Variants in ACER3 observed in about 807,000 individuals in gnomAD.
ACER3 encodes alkCDase 3.
Under a neutral mutation model 48.9 loss-of-function variants are expected in ACER3, and 16 were observed. The observed-to-expected ratio is 0.33, with a 90% CI of 0.22 to 0.50. The LOEUF is 0.50. Ranked by LOEUF, ACER3 falls within the 20% of genes least tolerant of loss-of-function variation. The pLI, the probability that ACER3 is intolerant of heterozygous loss-of-function variation, is 0.98. For missense variants in ACER3, 227 were observed against 326.0 expected (o/e 0.70, Z 2.34); for synonymous variants, 109 against 107.8 (o/e 1.01, Z -0.07).
rs576170198 is a variant in ACER3 at position 76,993,675 on chromosome 11, G to A, written c.438+3101G>A. ...CCCAACCTTTTTGGCACCAGAGACCGGTTTTGTGGAAGACAATTTTTCCAT... is the reference window on the plus strand; with the variant it reads ...CCCAACCTTTTTGGCACCAGAGACCAGTTTTGTGGAAGACAATTTTTCCAT... On this transcript the variant is annotated intron_variant, in intron 6 of 10. Transcript: ENST00000532485. Among the ~76,000 whole-genome samples, 13 of 152,296 alleles carry A rather than the reference G, an allele frequency of 8.5e-5. No individual in the cohort carries two copies. The East Asian group carries it at 2.3e-3, about 27-fold the overall frequency.
chr11:76,872,551 A>G (rs780430891), intron 1 of ACER3, among the ~76,000 whole-genome samples: 2 of 152,208 alleles, frequency 1.3e-5, no homozygotes, highest in African/African-American at 2.4e-5. Context: ...TCTGCCTAAG[A>G]TTACATTGAA....
At chr11:76,885,738 T>A (rs1009354165) in intron 1 of ACER3, among the ~76,000 whole-genome samples, 3 of 152,066 alleles carry the variant, frequency 2.0e-5, no homozygotes, top group Non-Finnish European at 4.4e-5. Context: ...TAGCCTAGCA[T>A]GTAAGAGTCT....
chr11:76,954,539 C>CA (rs1565197350), intron 2 of ACER3, among the ~76,000 whole-genome samples: 2 of 151,800 alleles, frequency 1.3e-5, no homozygotes, highest in African/African-American at 4.8e-5. Flanking sequence ...CATTGATTCT[C>CA]ATAGCTCTAT....
intron 2 of ACER3, among the ~76,000 whole-genome samples, chr11:76,931,027 T>C (rs1184372412): frequency 1.4e-5 from 2 of 144,638 alleles, no homozygotes; most frequent in Non-Finnish European, 3.0e-5. Context: ...CCTTGTTAAC[T>C]TTCTGTCTCG....
chr11:76,900,905 A>G (rs868530433), intron 1 of ACER3, among the ~76,000 whole-genome samples: 34 of 152,304 alleles, frequency 2.2e-4, no homozygotes, highest in African/African-American at 8.2e-4. Flanking sequence ...AATCTGTTTC[A>G]TGATTTCCTT....
At chr11:76,917,076 G>A (rs1946552898) in intron 1 of ACER3, among the ~76,000 whole-genome samples, 1 of 152,080 alleles carries the variant, frequency 6.6e-6, no homozygotes, top group African/African-American at 2.4e-5. Context: ...ACTTCCTCTT[G>A]AATTTAACAT....
At chr11:76,872,301 C>G (rs1345889769) in intron 1 of ACER3, among the ~76,000 whole-genome samples, 1 of 152,074 alleles carries the variant, frequency 6.6e-6, no homozygotes, top group Non-Finnish European at 1.5e-5. Flanking sequence ...GTCTCGAACT[C>G]CGGACCTCAG....
intron 4 of ACER3, 76 bp downstream of exon 4, chr11:76,976,417 A>ATT: frequency 2.7e-6 from 2 of 742,256 alleles, no homozygotes; most frequent in African/African-American, 1.8e-5. Context: ...AATATAACTG[A>ATT]TACATTTATA....
intron 3 of ACER3, among the ~76,000 whole-genome samples, chr11:76,970,231 G>T (rs1454017661): frequency 6.6e-5 from 10 of 152,076 alleles, no homozygotes; most frequent in African/African-American, 2.4e-4. Context: ...TTTCTCTGGG[G>T]TCCCCTTGGC....
chr11:76,864,705 T>A (rs1406528313), intron 1 of ACER3, among the ~76,000 whole-genome samples: 1 of 148,374 alleles, frequency 6.7e-6, no homozygotes, highest in African/African-American at 2.5e-5. Flanking sequence ...GTTCAAGCAG[T>A]TCTCCTGCCT....
intron 1 of ACER3, among the ~76,000 whole-genome samples, chr11:76,911,142 A>G (rs1946367880): frequency 6.6e-6 from 1 of 152,208 alleles, no homozygotes. Flanking sequence ...AAAGTAAAGG[A>G]ATAAAAGAAT....
intron 1 of ACER3, among the ~76,000 whole-genome samples, chr11:76,896,259 A>T (rs1395213067): frequency 6.6e-6 from 1 of 152,096 alleles, no homozygotes; most frequent in African/African-American, 2.4e-5. Flanking sequence ...TATTCATTGG[A>T]TCCTTACTGT....
intron 1 of ACER3, among the ~76,000 whole-genome samples, chr11:76,884,099 A>G (rs1263468333): frequency 6.6e-6 from 1 of 152,196 alleles, no homozygotes; most frequent in Non-Finnish European, 1.5e-5. Flanking sequence ...ACAGCTCTAT[A>G]GTAGTTATTT....
intron 7 of ACER3, among the ~76,000 whole-genome samples, chr11:77,001,373 A>C (rs1486630112): frequency 6.6e-6 from 1 of 152,048 alleles, no homozygotes; most frequent in African/African-American, 2.4e-5. Flanking sequence ...CTCCTGCCTC[A>C]GCCTCCCCAG....
intron 1 of ACER3, among the ~76,000 whole-genome samples, chr11:76,886,577 T>C (rs1458515113): frequency 6.6e-6 from 1 of 152,104 alleles, no homozygotes; most frequent in Non-Finnish European, 1.5e-5. Context: ...CAAAGGAGGA[T>C]TTTGATCATA....
At chr11:76,868,429 G>GTA (rs1197776768) in intron 1 of ACER3, among the ~76,000 whole-genome samples, 1 of 150,434 alleles carries the variant, frequency 6.6e-6, no homozygotes, top group African/African-American at 2.5e-5. Context: ...GTGTGTGTGT[G>GTA]TGTATAGCCC....
At chr11:76,917,522 T>C (rs1946564992) in intron 1 of ACER3, among the ~76,000 whole-genome samples, 1 of 151,942 alleles carries the variant, frequency 6.6e-6, no homozygotes, top group Non-Finnish European at 1.5e-5. Context: ...GAGACCAGCC[T>C]GAGCAACATA....
chr11:76,885,442 C>T (rs1945647535), intron 1 of ACER3, among the ~76,000 whole-genome samples: 1 of 152,092 alleles, frequency 6.6e-6, no homozygotes, highest in East Asian at 1.9e-4. Flanking sequence ...TAATGCTCTC[C>T]CTCCCCTTGC....
intron 2 of ACER3, among the ~76,000 whole-genome samples, chr11:76,954,736 G>C (rs920639063): frequency 4.6e-5 from 7 of 152,012 alleles, no homozygotes; most frequent in African/African-American, 1.7e-4. Context: ...AAGTAGCTGT[G>C]ACTACAGGAC....
Sources: allele counts gnomAD v4.1 joint callset (sites outside exome capture counted in the v4.1 genomes callset), GRCh38; gene constraint gnomAD v4.1.1; transcripts MANE v1.5; gene names NCBI Gene and HGNC (gene_info 2026-07-23, HGNC 2026-07-21).